The following MACROD2 variants were observed in gnomAD, a reference collection of about 807,000 sequenced individuals.
MACROD2 encodes the protein ADP-ribose glycohydrolase MACROD2.
In MACROD2, 36 loss-of-function variants were observed where a neutral mutation model predicts 70.4. The observed-to-expected ratio is 0.51, with a 90% CI of 0.39 to 0.68. The LOEUF is 0.68. MACROD2 is among the 30% of genes least tolerant of loss of function. MACROD2 has a pLI of 0.00. For missense variants in MACROD2, 496 were observed against 538.4 expected, an observed-to-expected ratio of 0.92 and a Z score of 0.78; for synonymous variants, 172 against 178.8, an observed-to-expected ratio of 0.96 and a Z score of 0.30.
At chr20:14,242,099 T>C (rs1284969560) in intron 3 of MACROD2, among the ~76,000 whole-genome samples, 1 of 152,100 alleles carries the variant, frequency 6.6e-6, no homozygotes, top group Admixed American at 6.6e-5. Flanking sequence ...GGAAAGAAAA[T>C]TTGGATGTTC....
intron 4 of MACROD2, among the ~76,000 whole-genome samples, chr20:14,515,793 C>A (rs1277104245): frequency 6.6e-6 from 1 of 151,748 alleles, no homozygotes; most frequent in Admixed American, 6.6e-5. Flanking sequence ...TATTTCACTG[C>A]ATGGCAAATG....
intron 5 of MACROD2, among the ~76,000 whole-genome samples, chr20:14,968,934 G>A (rs909270356): frequency 2.0e-5 from 3 of 152,134 alleles, no homozygotes; most frequent in African/African-American, 7.2e-5. Flanking sequence ...TGCTCAGAGA[G>A]AGCTTTAGGA....
chr20:15,688,675 G>T (rs1193697595), intron 8 of MACROD2, among the ~76,000 whole-genome samples: 1 of 152,128 alleles, frequency 6.6e-6, no homozygotes, highest in African/African-American at 2.4e-5. Context: ...CACTTATTTT[G>T]ATGCATACAA....
At chr20:14,902,570 AGTCAG>A (rs2073908474) in intron 5 of MACROD2, among the ~76,000 whole-genome samples, 1 of 152,174 alleles carries the variant, frequency 6.6e-6, no homozygotes, top group South Asian at 2.1e-4. Flanking sequence ...TAGTTCTGTA[AGTCAG>A]TCTAGGGGGA....
At chr20:14,286,470 G>C (rs140772752) in intron 3 of MACROD2, among the ~76,000 whole-genome samples, 22 of 152,108 alleles carry the variant, frequency 1.4e-4, no homozygotes, top group African/African-American at 5.1e-4. Flanking sequence ...GCCAACAACC[G>C]AAATCCATTA....
chr20:15,605,799 A>G (rs1250025972), intron 8 of MACROD2, among the ~76,000 whole-genome samples: 1 of 152,098 alleles, frequency 6.6e-6, no homozygotes, highest in Non-Finnish European at 1.5e-5. Context: ...CGTGAAACTC[A>G]CTTTCCATCA....
At chr20:14,365,381 G>A (rs2083262372) in intron 3 of MACROD2, among the ~76,000 whole-genome samples, 2 of 150,816 alleles carry the variant, frequency 1.3e-5, no homozygotes, top group African/African-American at 4.9e-5. Flanking sequence ...TACTTATATT[G>A]TTATAAATAA....
chr20:14,634,548 G>A (rs921351036), intron 4 of MACROD2, among the ~76,000 whole-genome samples: 31 of 79,936 alleles, frequency 3.9e-4, no homozygotes, highest in East Asian at 6.2e-4. Flanking sequence ...CCCTCCCCCC[G>A]CCCAACTGGA....
rs77901532 is a variant in MACROD2 at position 14,983,892 on chromosome 20, G to A, written c.419-246048G>A. Among the ~76,000 whole-genome samples, 455 of 152,244 alleles carry A rather than the reference G, an allele frequency of 3.0e-3. 2 individuals are homozygous for A. The highest frequency in any genetic ancestry group is 0.025 in the East Asian group (129 of 5,178). ...GTCAGTAGTAATGAAGCCTTTGTTCGGGAAATATGACTTTTGAAATGTAGA... is the reference window on the plus strand; with the variant it reads ...GTCAGTAGTAATGAAGCCTTTGTTCAGGAAATATGACTTTTGAAATGTAGA... On this transcript the variant is annotated intron_variant, in intron 5 of 17. Coordinates refer to ENST00000684519, the MANE Select transcript of MACROD2 (RefSeq NM_001351661.2).
intron 5 of MACROD2, among the ~76,000 whole-genome samples, chr20:15,156,389 C>T (rs548180097): frequency 6.6e-5 from 10 of 152,132 alleles, no homozygotes; most frequent in Non-Finnish European, 7.4e-5. Flanking sequence ...GTAATAGAAG[C>T]AGTAGCTTTC....
intron 5 of MACROD2, among the ~76,000 whole-genome samples, chr20:14,926,566 A>C (rs566955024): frequency 6.6e-6 from 1 of 151,236 alleles, no homozygotes; most frequent in Non-Finnish European, 1.5e-5. Flanking sequence ...AAAAGGAAGC[A>C]TTATGTTTGA....
intron 8 of MACROD2, among the ~76,000 whole-genome samples, chr20:15,626,741 G>C (rs1280556951): frequency 6.6e-6 from 1 of 152,102 alleles, no homozygotes; most frequent in African/African-American, 2.4e-5. Context: ...TGTAGTCCCA[G>C]CTACTCAGGA....
chr20:14,398,782 A>G (rs780289956), intron 3 of MACROD2, among the ~76,000 whole-genome samples: 1 of 152,168 alleles, frequency 6.6e-6, no homozygotes, highest in Non-Finnish European at 1.5e-5. Flanking sequence ...GTATTTCAAA[A>G]ATAGGAAAAA....
At chr20:14,479,881 C>CT (rs1222672133) in intron 3 of MACROD2, among the ~76,000 whole-genome samples, 1 of 152,014 alleles carries the variant, frequency 6.6e-6, no homozygotes, top group African/African-American at 2.4e-5. Context: ...ATAGTTATAT[C>CT]TTTTTTTAAA....
chr20:15,838,601 G>C (rs2064138566), intron 8 of MACROD2, among the ~76,000 whole-genome samples: 1 of 152,136 alleles, frequency 6.6e-6, no homozygotes, highest in African/African-American at 2.4e-5. Context: ...ATTGTGCTCT[G>C]TTGAGAAGAG....
At chr20:15,658,315 T>A (rs1275702548) in intron 8 of MACROD2, among the ~76,000 whole-genome samples, 1 of 152,000 alleles carries the variant, frequency 6.6e-6, no homozygotes, top group Non-Finnish European at 1.5e-5. Context: ...TTTTCATGTA[T>A]GTCCTTAAAC....
chr20:15,084,735 T>C (rs965545279), intron 5 of MACROD2, among the ~76,000 whole-genome samples: 15 of 152,184 alleles, frequency 9.9e-5, no homozygotes, highest in Non-Finnish European at 1.9e-4. Flanking sequence ...ATTCAGTTCT[T>C]CCTTGGCAAC....
rs117936271 is a variant in MACROD2 at position 15,799,072 on chromosome 20, G to A, written c.646-63673G>A. On this transcript the variant is annotated intron_variant, in intron 8 of 17. Coordinates refer to ENST00000684519, the MANE Select transcript of MACROD2 (RefSeq NM_001351661.2). Reference sequence around the variant, plus strand: ...AATGCCAAGAACTGCCAAGTTCAAGGCACCAACTCTTCTCTTCAAAGAGCT... The same window carrying A: ...AATGCCAAGAACTGCCAAGTTCAAGACACCAACTCTTCTCTTCAAAGAGCT... 1.7e-3 allele frequency among the ~76,000 whole-genome samples: 252 copies of A among 152,236 alleles called. 1 individual carries two copies. In the East Asian group the frequency reaches 0.036, roughly 22 times the overall value.
At chr20:15,785,174 A>C in intron 8 of MACROD2, among the ~76,000 whole-genome samples, 1 of 151,078 alleles carries the variant, frequency 6.6e-6, no homozygotes, top group Non-Finnish European at 1.5e-5. Context: ...AAAAAAAATT[A>C]AAAAAAATCA....
Sources: gnomAD v4.1 joint callset for allele counts (sites outside exome capture counted in the v4.1 genomes callset) on GRCh38, gnomAD v4.1.1 for gene constraint, MANE v1.5 for transcripts, NCBI Gene and HGNC (gene_info 2026-07-23, HGNC 2026-07-21) for gene names.